Variants in ZNF569 observed in about 807,000 individuals in gnomAD.
The protein encoded by ZNF569 is DNA-binding protein.
Under a neutral mutation model 56.3 loss-of-function variants are expected in ZNF569, and 38 were observed. The observed-to-expected ratio is 0.68, with a 90% CI of 0.52 to 0.88. The LOEUF is 0.88. Among genes scored for constraint, ZNF569 ranks in the 40% least tolerant of loss-of-function variants. The probability of loss-of-function intolerance (pLI) is 0.00; values close to 1 mark genes in which losing one functional copy is unlikely to be tolerated. For synonymous variants in ZNF569, 241 were observed against 262.9 expected, an observed-to-expected ratio of 0.92 and a Z score of 0.81; for missense variants, 666 against 809.2, an observed-to-expected ratio of 0.82 and a Z score of 2.15.
At chr19:37,417,753 C>T (rs1025980967) in intron 5 of ZNF569, among the ~76,000 whole-genome samples, 2 of 152,054 alleles carry the variant, frequency 1.3e-5, no homozygotes, top group East Asian at 3.9e-4. Context: ...GGGTTGCCAC[C>T]ATAGAAGGGA....
chr19:37,413,928 A>G lies in ZNF569; in HGVS notation c.730T>C (p.Cys244Arg). 2 of 1,613,498 alleles carry G rather than the reference A, an allele frequency of 1.2e-6. No homozygotes were observed. The highest frequency in any genetic ancestry group is 1.7e-6 in the Non-Finnish European group (2 of 1,179,922). ...ATGAAAGCTTTACCACATTCATTACATTTGTAAGACTGCTCCCTACTGTGA... is the reference window on the plus strand; with the variant it reads ...ATGAAAGCTTTACCACATTCATTACGTTTGTAAGACTGCTCCCTACTGTGA... ...KIHSREQSYK[C>R]NECGKAFIKM... Residue 244 changes from cysteine to arginine, a missense_variant, in exon 6 of 6, where the codon TGT (cysteine) becomes CGT (arginine). Transcript: ENST00000316950.
chr19:37,456,910 G>A (rs1016725589), intron 2 of ZNF569, among the ~76,000 whole-genome samples: 1 of 151,458 alleles, frequency 6.6e-6, no homozygotes, highest in Non-Finnish European at 1.5e-5. Flanking sequence ...GGAGGTTGCA[G>A]TGAGTCTAGA....
intron 2 of ZNF569, among the ~76,000 whole-genome samples, chr19:37,462,452 G>A (rs1292686187): frequency 1.3e-5 from 2 of 149,712 alleles, no homozygotes; most frequent in Admixed American, 6.7e-5. Context: ...GAGTTGTCTA[G>A]ACTTGATATC....
At chr19:37,414,940 A>C (rs1388152043) in intron 5 of ZNF569, among the ~76,000 whole-genome samples, 1 of 152,104 alleles carries the variant, frequency 6.6e-6, no homozygotes, top group Non-Finnish European at 1.5e-5. Context: ...AAAAGGAAAA[A>C]CCCAGAGATC....
intron 3 of ZNF569, among the ~76,000 whole-genome samples, chr19:37,438,294 GAGGA>G (rs200087641): frequency 6.6e-6 from 1 of 152,152 alleles, no homozygotes; most frequent in East Asian, 1.9e-4. Context: ...GCTGAGGCAA[GAGGA>G]TTACCTAAGC....
chr19:37,469,262 A>T, upstream of ZNF569: 2 of 1,396,800 alleles, frequency 1.4e-6, no homozygotes, highest in South Asian at 3.2e-5. Context: ...CGACGCCGCG[A>T]CCTTTTCTAC....
chr19:37,467,881 G>A (rs1342941485), upstream of ZNF569: 1 of 1,535,712 alleles, frequency 6.5e-7, no homozygotes, highest in Non-Finnish European at 8.7e-7. Flanking sequence ...TTGCAGTTTT[G>A]TCAGAGACAA....
intron 3 of ZNF569, among the ~76,000 whole-genome samples, chr19:37,434,963 G>A (rs929469428): frequency 3.3e-5 from 5 of 152,086 alleles, no homozygotes; most frequent in Non-Finnish European, 7.3e-5. Context: ...AAACAGCCTT[G>A]CTGCTCACAC....
chr19:37,467,746 G>A, upstream of ZNF569: 1 of 762,332 alleles, frequency 1.3e-6, no homozygotes, highest in Non-Finnish European at 2.2e-6. Context: ...CTTCGGCCAT[G>A]GAATTTGGAG....
chr19:37,466,727 A>G (rs2041845271), intron 1 of ZNF569: 1 of 152,326 alleles, frequency 6.6e-6, no homozygotes. Context: ...TACACCCACA[A>G]GCACACCCTA....
At position 37,413,130 on chromosome 19, in the gene ZNF569, T is replaced by C. The variant is rs1416971307; in HGVS notation, c.1528A>G (p.Ile510Val). Residue 510 changes from isoleucine to valine, a missense_variant, in exon 6 of 6, where the codon ATT becomes GTT. Coordinates refer to ENST00000316950, the MANE Select transcript of ZNF569 (RefSeq NM_152484.3). ...GKAFSQKQNFITHQKVHTGEK... is the reference protein window; with the variant it reads ...GKAFSQKQNFVTHQKVHTGEK... ...CCAGTATGAACTTTTTGATGTGTAA[T>C]GAAGTTTTGCTTTTGGCTGAAGGCT... The C allele has an allele frequency of 3.7e-6, 6 of 1,610,498 alleles. No homozygotes were observed. In the Admixed American group the frequency reaches 6.8e-5, roughly 18 times the overall value.
chr19:37,424,815 CA>C (rs71177448), intron 5 of ZNF569, among the ~76,000 whole-genome samples: 850 of 33,566 alleles, frequency 0.025, no homozygotes, highest in Non-Finnish European at 0.037. Context: ...GACTCTGTCT[CA>C]AAAAAAAAAA....
intron 3 of ZNF569, 74 bp from the exon 4 acceptor site, chr19:37,426,452 G>T: frequency 7.0e-7 from 1 of 1,429,694 alleles, no homozygotes; most frequent in Non-Finnish European, 9.2e-7. Context: ...ATTGAACCTT[G>T]TTCTGATATT....
intron 2 of ZNF569, among the ~76,000 whole-genome samples, chr19:37,458,789 T>C (rs563012180): frequency 6.6e-6 from 1 of 152,300 alleles, no homozygotes; most frequent in African/African-American, 2.4e-5. Context: ...ATGAGAAAGT[T>C]AGAAAAAGAG....
chr19:37,450,185 C>A (rs2041569652), intron 2 of ZNF569, among the ~76,000 whole-genome samples: 1 of 152,266 alleles, frequency 6.6e-6, no homozygotes, highest in African/African-American at 2.4e-5. Context: ...GAACTGGTCC[C>A]TCCTCCTCAA....
chr19:37,469,191 G>A (rs2041907744), upstream of ZNF569: 2 of 1,255,264 alleles, frequency 1.6e-6, no homozygotes, highest in South Asian at 1.9e-5. Context: ...GGGAGGACCT[G>A]GTGGGGAGGA....
intron 2 of ZNF569, 135 bp downstream of exon 2, chr19:37,465,178 A>G (rs2041811288): frequency 1.3e-5 from 2 of 152,112 alleles, no homozygotes; most frequent in Non-Finnish European, 2.9e-5. Flanking sequence ...CTTTATTACT[A>G]CCTTTTCAGG....
At chr19:37,446,549 C>CAAAAA in intron 2 of ZNF569, among the ~76,000 whole-genome samples, 1 of 60,446 alleles carries the variant, frequency 1.7e-5, no homozygotes, top group South Asian at 7.1e-4. Context: ...GACTCCATCT[C>CAAAAA]AAAAAAAAAA....
chr19:37,444,170 A>C (rs924937703), intron 3 of ZNF569, among the ~76,000 whole-genome samples: 1 of 152,128 alleles, frequency 6.6e-6, no homozygotes, highest in Non-Finnish European at 1.5e-5. Flanking sequence ...AATACAGAAC[A>C]TTTTCACCCC....
Sources: allele counts gnomAD v4.1 joint callset (sites outside exome capture counted in the v4.1 genomes callset), GRCh38; gene constraint gnomAD v4.1.1; transcripts MANE v1.5; gene names NCBI Gene and HGNC (gene_info 2026-07-23, HGNC 2026-07-21).